Variants in EMID1 observed in about 807,000 individuals in gnomAD.
EMID1 encodes EMI domain containing 1.
EMID1 carries 40 observed loss-of-function variants against 60.6 expected under a neutral mutation model. That is an observed-to-expected ratio of 0.66 (90% CI 0.51 to 0.86). The LOEUF is 0.86. Ranked by LOEUF, EMID1 falls within the 40% of genes least tolerant of loss-of-function variation. The pLI is 0.00. For synonymous variants in EMID1, 242 were observed against 231.0 expected (o/e 1.05, Z -0.43); for missense variants, 585 against 597.1 (o/e 0.98, Z 0.21).
At chr22:29,207,913 T>C (rs1192666964) in intron 1 of EMID1, among the ~76,000 whole-genome samples, 1 of 152,170 alleles carries the variant, frequency 6.6e-6, no homozygotes, top group Admixed American at 6.5e-5. Flanking sequence ...GATTAGGAGT[T>C]AGGGGCTCCA....
At chr22:29,231,479 G>A (rs1432401240) in intron 6 of EMID1, 114 bp from the exon 7 acceptor site, 3 of 1,131,110 alleles carry the variant, frequency 2.7e-6, no homozygotes, top group Non-Finnish European at 3.9e-6. Context: ...GCCATAGAGA[G>A]TGTGAGGGTC....
At position 29,249,138 on chromosome 22, in the gene EMID1, G is replaced by A. The variant is rs117777307; in HGVS notation, c.1120-5065G>A. 4.9e-3 allele frequency among the ~76,000 whole-genome samples: 743 copies of A among 152,128 alleles called. 4 individuals are homozygous for A. Among genetic ancestry groups the A allele is most frequent in the Non-Finnish European group, 6.0e-3 (405 of 67,998 alleles). ...TCTCCCACATTACCACAATACCGTC[G>A]TCATACTTAAGAAAGCTAACATTTA... On this transcript the variant is annotated intron_variant, in intron 13 of 14. Transcript: ENST00000334018.
At position 29,225,584 on chromosome 22, in the gene EMID1, T is replaced by C. The variant is rs529448484; in HGVS notation, c.403+368T>C. Among the ~76,000 whole-genome samples the C allele has an allele frequency of 3.0e-4, 46 of 152,316 alleles. No individual in the cohort carries two copies. The East Asian group carries it at 6.6e-3, about 22-fold the overall frequency. On this transcript the variant is annotated intron_variant, in intron 4 of 14. Coordinates refer to ENST00000334018, the MANE Select transcript of EMID1 (RefSeq NM_133455.4). ...GCAGCTCGTTTAGACCTCACAGCTG[T>C]TCACTGCCCGCCCATTGTCCCCTTT...
At chr22:29,210,023 G>T (rs373556352) in intron 1 of EMID1, among the ~76,000 whole-genome samples, 54 of 152,052 alleles carry the variant, frequency 3.6e-4, no homozygotes, top group African/African-American at 1.3e-3. Flanking sequence ...GAGGAGCTCG[G>T]GCTGATGCTA....
intron 12 of EMID1, among the ~76,000 whole-genome samples, chr22:29,242,464 T>C (rs2041188041): frequency 1.3e-5 from 2 of 152,220 alleles, no homozygotes; most frequent in African/African-American, 2.4e-5. Flanking sequence ...ATCATAGATA[T>C]TTTAAACTCC....
rs991425091 is a variant in EMID1 at position 29,233,674 on chromosome 22, G to C, written c.966+8G>C. 6 of 1,613,170 alleles carry C rather than the reference G, an allele frequency of 3.7e-6. No homozygotes were observed. Among genetic ancestry groups the C allele is most frequent in the Non-Finnish European group, 5.1e-6 (6 of 1,179,310 alleles). ...GGGAGTCCTGGTCACATAGTGAGTA[G>C]TTCTCCTTGTACTCTCACCCATGTG... On this transcript the variant is annotated splice_region_variant and intron_variant, in intron 10 of 14. Coordinates refer to ENST00000334018, the MANE Select transcript of EMID1 (RefSeq NM_133455.4).
chr22:29,230,885 G>T (rs115096771), intron 5 of EMID1, 135 bp from the exon 6 acceptor site: 30 of 1,134,786 alleles, frequency 2.6e-5, no homozygotes, highest in African/African-American at 9.6e-5. Flanking sequence ...AAGCCCGGGT[G>T]GTTGAGGCTG....
chr22:29,240,215 C>T (rs1040242844), intron 12 of EMID1, among the ~76,000 whole-genome samples: 3 of 152,054 alleles, frequency 2.0e-5, no homozygotes, highest in African/African-American at 7.2e-5. Context: ...TTGTTTTGCC[C>T]CTTAGGTGGG....
intron 3 of EMID1, chr22:29,216,441 A>T (rs2040085014): frequency 1.0e-6 from 1 of 985,350 alleles, no homozygotes; most frequent in South Asian, 4.7e-5. Flanking sequence ...GCTAAAGAGG[A>T]TGGGCTGGCC....
chr22:29,230,466 C>T (rs974379358), intron 5 of EMID1, among the ~76,000 whole-genome samples: 5 of 152,228 alleles, frequency 3.3e-5, no homozygotes, highest in Admixed American at 6.5e-5. Context: ...GCAAGCACCG[C>T]GACAGTCACA....
At chr22:29,258,716 C>A in intron 14 of EMID1, 101 bp from the exon 15 acceptor site, 1 of 1,499,214 alleles carries the variant, frequency 6.7e-7, no homozygotes. Flanking sequence ...TTATACCTGG[C>A]AGAGCGTGCC....
chr22:29,235,077 G>C (rs1425249026), intron 12 of EMID1, among the ~76,000 whole-genome samples: 1 of 152,060 alleles, frequency 6.6e-6, no homozygotes, highest in African/African-American at 2.4e-5. Context: ...ACCGGGCACG[G>C]TGGCTTACGC....
At chr22:29,215,659 C>G (rs1428163052) in intron 3 of EMID1, 29 bp downstream of exon 3, 1 of 1,590,618 alleles carries the variant, frequency 6.3e-7, no homozygotes, top group Non-Finnish European at 8.6e-7. Flanking sequence ...CTCCCGGAGC[C>G]CTGCGACAGC....
At chr22:29,255,219 CAG>C in intron 14 of EMID1, 48 of 1,224,280 alleles carry the variant, frequency 3.9e-5, no homozygotes, top group Non-Finnish European at 4.8e-5. Flanking sequence ...CTCCCCAGCC[CAG>C]CCCTCGGAGG....
chr22:29,252,847 T>A (rs983317627), intron 13 of EMID1, among the ~76,000 whole-genome samples: 1 of 152,126 alleles, frequency 6.6e-6, no homozygotes, highest in Non-Finnish European at 1.5e-5. Context: ...GGACCTGGCA[T>A]AGTCTAAGCC....
intron 2 of EMID1, 93 bp from the exon 3 acceptor site, chr22:29,215,434 G>A: frequency 7.2e-7 from 1 of 1,379,472 alleles, no homozygotes; most frequent in Non-Finnish European, 1.0e-6. Context: ...AGAGGATCCT[G>A]GAAGCTCTAG....
rs1008892294 is a variant in EMID1 at position 29,238,415 on chromosome 22, C to T, written c.1074+4066C>T. ...GACTACTGTCATGTGCCACACCTGG[C>T]TAATTTTTTTTTCTGTTTTGAGATG... On this transcript the variant is annotated intron_variant, in intron 12 of 14. Transcript: ENST00000334018. 1.1e-4 allele frequency among the ~76,000 whole-genome samples: 16 copies of T among 140,534 alleles called. 3 individuals carry two copies. The highest frequency in any genetic ancestry group is 2.4e-4 in the Non-Finnish European group (16 of 66,290). The allele number at this position is 140,534 out of a possible 152,430, so 92.2% of individuals were successfully genotyped here.
At position 29,232,364 on chromosome 22, in the gene EMID1, C is replaced by G. The variant is rs746817352; in HGVS notation, c.785C>G (p.Ala262Gly). ...PGPPGPPGPP[A>G]PVGPPHARIS... ...CCTCCTGGCCCCCCTGGGCCCCCAGCCCCTGTTGGGCCACCCCATGCCCGG... is the reference window on the plus strand; with the variant it reads ...CCTCCTGGCCCCCCTGGGCCCCCAGGCCCTGTTGGGCCACCCCATGCCCGG... Residue 262 changes from alanine (A) to glycine (G), a missense_variant, in exon 8 of 15, where the codon GCC becomes GGC. Transcript: ENST00000334018. 3 of 1,602,812 alleles carry G rather than the reference C, an allele frequency of 1.9e-6. No individual in the cohort carries two copies. Among genetic ancestry groups the G allele is most frequent in the Non-Finnish European group, 2.6e-6 (3 of 1,176,002 alleles).
At chr22:29,235,780 CTTTTTT>C (rs56085732) in intron 12 of EMID1, among the ~76,000 whole-genome samples, 353 of 73,878 alleles carry the variant, frequency 4.8e-3, no homozygotes, top group African/African-American at 0.018. Flanking sequence ...AGAATTTAAG[CTTTTTT>C]TTTTTTTTTT....
Sources: gnomAD v4.1 joint callset for allele counts (sites outside exome capture counted in the v4.1 genomes callset) on GRCh38, gnomAD v4.1.1 for gene constraint, MANE v1.5 for transcripts, NCBI Gene and HGNC (gene_info 2026-07-23, HGNC 2026-07-21) for gene names.